ARF4: variants seen among roughly 807,000 people sequenced by gnomAD.
ARF4 encodes ADP-ribosylation factor 4.
A neutral mutation model predicts 24.3 loss-of-function variants in ARF4; 5 were observed. The ratio of observed to expected loss-of-function variants is 0.21; its 90% CI spans 0.11 to 0.43. ARF4 has a LOEUF of 0.43. ARF4 is among the 20% of genes least tolerant of loss of function. The probability of loss-of-function intolerance (pLI) is 1.00; values close to 1 mark genes in which losing one functional copy is unlikely to be tolerated. For synonymous variants in ARF4, 62 were observed against 73.5 expected (o/e 0.84, Z 0.80); for missense variants, 107 against 213.0 (o/e 0.50, Z 3.10).
intron 1 of ARF4, among the ~76,000 whole-genome samples, chr3:57,596,079 T>G (rs2070178452): frequency 6.6e-6 from 1 of 152,234 alleles, no homozygotes. Context: ...GGAGCTCAGC[T>G]GTGATGTAGA....
intron 1 of ARF4, among the ~76,000 whole-genome samples, chr3:57,589,564 A>G (rs549083076): frequency 7.8e-4 from 119 of 151,638 alleles, no homozygotes; most frequent in African/African-American, 2.4e-3. Flanking sequence ...CTAAAAATAC[A>G]AAAATTAGCT....
Position 57,597,198 on chromosome 3 carries a change from T to C in ARF4, c.-58A>G, listed in dbSNP as rs1385993075. ...GAAGGGGTTTGGGGCGACCCCGTGC[T>C]TTCTCCTTTCAAGCTCCCAGGCAAA... On this transcript the variant is annotated 5_prime_UTR_variant, in exon 1 of 6. Transcript: ENST00000303436. 1.3e-6 allele frequency: 2 copies of C among 1,521,754 alleles called. No homozygotes were observed. The highest frequency in any genetic ancestry group is 9.1e-7 in the Non-Finnish European group (1 of 1,102,088). 94.3% of individuals were successfully genotyped at this position (1,521,754 alleles called of 1,614,324 possible).
chr3:57,595,823 T>C (rs1483660210), intron 1 of ARF4, among the ~76,000 whole-genome samples: 1 of 151,256 alleles, frequency 6.6e-6, no homozygotes, highest in Non-Finnish European at 1.5e-5. Context: ...TGGTGTTGCA[T>C]GCCTGTAATC....
intron 4 of ARF4, among the ~76,000 whole-genome samples, chr3:57,576,048 T>A (rs1296802358): frequency 6.6e-6 from 1 of 152,194 alleles, no homozygotes; most frequent in East Asian, 1.9e-4. Flanking sequence ...AGTACTTAGA[T>A]AGATGATGAT....
At chr3:57,597,026 A>C in intron 1 of ARF4, 48 bp downstream of exon 1, 2 of 1,595,092 alleles carry the variant, frequency 1.3e-6, no homozygotes. Flanking sequence ...CCAATTGTGG[A>C]GACCCTGCCT....
At chr3:57,577,592 T>G (rs559722969) in intron 3 of ARF4, among the ~76,000 whole-genome samples, 26 of 152,298 alleles carry the variant, frequency 1.7e-4, no homozygotes, top group African/African-American at 6.3e-4. Context: ...ATCTAAAAAA[T>G]TTTTATTCTT....
At position 57,588,936 on chromosome 3, in the gene ARF4, C is replaced by A. The variant is rs368689733; in HGVS notation, c.68-4472G>T. On this transcript the variant is annotated intron_variant, in intron 1 of 5. Coordinates refer to ENST00000303436, the MANE Select transcript of ARF4 (RefSeq NM_001660.4). ...TGACCAACATGGAGAAAGCCCGTCTCTACTAAAAATACAAAATTAGCTGGG... is the reference window on the plus strand; with the variant it reads ...TGACCAACATGGAGAAAGCCCGTCTATACTAAAAATACAAAATTAGCTGGG... Among the ~76,000 whole-genome samples the A allele has an allele frequency of 2.5e-4, 38 of 152,252 alleles. No homozygotes were observed. In the East Asian group the frequency reaches 5.8e-3, roughly 23 times the overall value.
chr3:57,582,836 T>C (rs113369225), intron 3 of ARF4, among the ~76,000 whole-genome samples: 1,578 of 152,246 alleles, frequency 0.01, 18 homozygotes, highest in African/African-American at 0.036. Flanking sequence ...TAAACAAAGG[T>C]AGAGTGAGAA....
chr3:57,588,323 G>C (rs545569401), intron 1 of ARF4, among the ~76,000 whole-genome samples: 1 of 152,206 alleles, frequency 6.6e-6, no homozygotes, highest in Non-Finnish European at 1.5e-5. Context: ...CTAGCACTTT[G>C]GGAGGCTGAG....
intron 4 of ARF4, among the ~76,000 whole-genome samples, chr3:57,576,629 G>A (rs1388915505): frequency 6.6e-6 from 1 of 150,528 alleles, no homozygotes; most frequent in East Asian, 2.0e-4. Context: ...TCTAATCTTA[G>A]GAGGAATGAA....
In ARF4 at chr3:57,572,450, T is replaced by C. The variant is rs182278221; in HGVS notation, c.457-152A>G. On this transcript the variant is annotated intron_variant, in intron 5 of 5. Coordinates refer to ENST00000303436, the MANE Select transcript of ARF4 (RefSeq NM_001660.4). ...TAAAGCTACTTCTGGCTGGGCGTGG[T>C]GGCTCACACCTATAAATCCCAGCAC... 31 of 593,612 alleles carry C rather than the reference T, an allele frequency of 5.2e-5. No homozygotes were observed. The East Asian group carries it at 7.5e-4, about 14-fold the overall frequency. The allele number at this position is 593,612 out of a possible 1,614,324, so 36.8% of individuals were successfully genotyped here.
chr3:57,590,721 C>T (rs2070103100), intron 1 of ARF4, among the ~76,000 whole-genome samples: 1 of 152,056 alleles, frequency 6.6e-6, no homozygotes, highest in African/African-American at 2.4e-5. Context: ...ATCTGTCACC[C>T]AGCCTGGAGT....
intron 1 of ARF4, among the ~76,000 whole-genome samples, chr3:57,589,584 G>T (rs568970065): frequency 1.8e-4 from 28 of 151,902 alleles, no homozygotes; most frequent in African/African-American, 6.8e-4. Context: ...TAGGCGTGGT[G>T]GCTGGCGCCT....
chr3:57,580,358 A>T (rs1200080907), intron 3 of ARF4, among the ~76,000 whole-genome samples: 1 of 152,128 alleles, frequency 6.6e-6, no homozygotes, highest in African/African-American at 2.4e-5. Flanking sequence ...TCCATATTTC[A>T]AAAGCTACTC....
At chr3:57,594,972 T>C (rs1167462064) in intron 1 of ARF4, among the ~76,000 whole-genome samples, 23 of 152,330 alleles carry the variant, frequency 1.5e-4, no homozygotes, top group Non-Finnish European at 1.6e-4. Context: ...ACTGAAGTGT[T>C]TTTTAGTCAA....
intron 3 of ARF4, among the ~76,000 whole-genome samples, chr3:57,579,145 G>A (rs924528493): frequency 8.9e-5 from 13 of 146,762 alleles, no homozygotes; most frequent in African/African-American, 2.0e-4. Context: ...AAAATTAGCC[G>A]GGCATGGTGG....
At position 57,572,601 on chromosome 3, in the gene ARF4, C is replaced by T. The variant is rs564354925; in HGVS notation, c.457-303G>A. Among the ~76,000 whole-genome samples the T allele has an allele frequency of 6.6e-5, 10 of 152,262 alleles. 1 individual carries two copies. In the South Asian group the frequency reaches 1.5e-3, roughly 22 times the overall value. ...TTTTTAAAAATAAAGCCACTTCTAC[C>T]TATTCTGGAGGTTGCAGTGAGCCGA... On this transcript the variant is annotated intron_variant, in intron 5 of 5. Transcript: ENST00000303436.
intron 3 of ARF4, among the ~76,000 whole-genome samples, chr3:57,579,632 A>T (rs2069947398): frequency 6.6e-6 from 1 of 152,176 alleles, no homozygotes; most frequent in African/African-American, 2.4e-5. Flanking sequence ...TTACCACAGT[A>T]CTGGGCTCTC....
Position 57,575,569 on chromosome 3 carries a change from A to G in ARF4, c.435T>C (p.Leu145=). 3 of 1,613,178 alleles carry G rather than the reference A, an allele frequency of 1.9e-6. No homozygotes were observed. Among genetic ancestry groups the G allele is most frequent in the Non-Finnish European group, 2.5e-6 (3 of 1,179,744 alleles). The change falls in exon 5 of 6, where the codon CTT becomes CTC. Residue 145 remains leucine (L), a synonymous_variant. Coordinates refer to ENST00000303436, the MANE Select transcript of ARF4 (RefSeq NM_001660.4). ...AISEMTDKLG[L]QSLRNRTWYV... ...TTACTGTTCTGTTACGAAGAGACTG[A>G]AGCCCTAGTTTATCTGTCATTTCAC...
Sources: gnomAD v4.1 joint callset for allele counts (sites outside exome capture counted in the v4.1 genomes callset) on GRCh38, gnomAD v4.1.1 for gene constraint, MANE v1.5 for transcripts, NCBI Gene and HGNC (gene_info 2026-07-23, HGNC 2026-07-21) for gene names.